The following TBC1D22A variants were observed in gnomAD, a reference collection of about 807,000 sequenced individuals.
TBC1D22A encodes putative GTPase activator.
In TBC1D22A, 38 loss-of-function variants were observed where a neutral mutation model predicts 60.2. The ratio of observed to expected loss-of-function variants is 0.63; its 90% CI spans 0.49 to 0.83. TBC1D22A has a LOEUF of 0.83. TBC1D22A is among the 40% of genes least tolerant of loss of function. The probability of loss-of-function intolerance (pLI) is 0.00; values close to 1 mark genes in which losing one functional copy is unlikely to be tolerated. For missense variants in TBC1D22A, 628 were observed against 701.0 expected, an observed-to-expected ratio of 0.90 and a Z score of 1.18; for synonymous variants, 302 against 281.7, an observed-to-expected ratio of 1.07 and a Z score of -0.72.
At chr22:46,976,202 C>A (rs570181564) in intron 9 of TBC1D22A, among the ~76,000 whole-genome samples, 2 of 152,134 alleles carry the variant, frequency 1.3e-5, no homozygotes, top group African/African-American at 4.8e-5. Context: ...ACAATGAAAT[C>A]GATGCTGGCT....
intron 4 of TBC1D22A, among the ~76,000 whole-genome samples, chr22:46,866,243 T>C (rs1311861630): frequency 6.6e-6 from 1 of 152,222 alleles, no homozygotes; most frequent in Admixed American, 6.5e-5. Flanking sequence ...TAGCTGGGAC[T>C]ACAGGCGTGT....
chr22:46,988,458 G>A (rs931327383), intron 9 of TBC1D22A, among the ~76,000 whole-genome samples: 1 of 152,160 alleles, frequency 6.6e-6, no homozygotes, highest in South Asian at 2.1e-4. Flanking sequence ...CTCAAATAAT[G>A]ACTTGAAAGT....
rs569051402 is a variant in TBC1D22A, at chr22:46,935,608, C to T, written c.1015+23420C>T. On this transcript the variant is annotated intron_variant, in intron 8 of 12. Transcript: ENST00000337137. ...GATTCCGTCTCGCCCCCCTCCTTTC[C>T]GAGTCTAGGAGTCTTGCAGCGGTCA... Among the ~76,000 whole-genome samples, 16 of 152,306 alleles carry T rather than the reference C, an allele frequency of 1.1e-4. No homozygotes were observed. The East Asian group carries it at 1.5e-3, about 15-fold the overall frequency.
At chr22:47,149,192 G>A (rs1333569741) in intron 12 of TBC1D22A, among the ~76,000 whole-genome samples, 4 of 152,166 alleles carry the variant, frequency 2.6e-5, no homozygotes, top group African/African-American at 4.8e-5. Flanking sequence ...GGGCTGGACC[G>A]CAGATGTGTC....
intron 12 of TBC1D22A, among the ~76,000 whole-genome samples, chr22:47,142,198 A>C (rs1233137236): frequency 5.6e-5 from 8 of 143,454 alleles, no homozygotes; most frequent in African/African-American, 7.8e-5. Context: ...ATCCACCCAC[A>C]CACCCATCCA....
chr22:47,127,962 C>CCCCCA (rs2066527189), intron 12 of TBC1D22A, among the ~76,000 whole-genome samples: 1 of 108,378 alleles, frequency 9.2e-6, no homozygotes, highest in South Asian at 3.7e-4. Context: ...CCCACCCGTC[C>CCCCCA]TTCCCTCCAC....
intron 4 of TBC1D22A, among the ~76,000 whole-genome samples, chr22:46,862,802 G>A (rs1274070448): frequency 1.3e-5 from 2 of 152,188 alleles, no homozygotes; most frequent in Non-Finnish European, 2.9e-5. Context: ...GCCGGATGCT[G>A]GGGCTTTTTG....
At chr22:46,911,733 C>T (rs988026717) in intron 7 of TBC1D22A, among the ~76,000 whole-genome samples, 44 of 151,950 alleles carry the variant, frequency 2.9e-4, no homozygotes, top group Non-Finnish European at 5.4e-4. Flanking sequence ...GCCTGGCCAA[C>T]GTGGCGAAAC....
At chr22:47,096,770 C>T (rs773675170) in intron 11 of TBC1D22A, among the ~76,000 whole-genome samples, 11 of 151,952 alleles carry the variant, frequency 7.2e-5, no homozygotes, top group Admixed American at 1.3e-4. Flanking sequence ...TGCAGTGAGC[C>T]GAGATTGTGC....
chr22:46,812,399 G>T (rs560549626), intron 4 of TBC1D22A, among the ~76,000 whole-genome samples: 15 of 152,294 alleles, frequency 9.8e-5, no homozygotes, highest in African/African-American at 3.4e-4. Context: ...AGGAGACACG[G>T]AGCACCCATG....
chr22:47,141,119 A>G (rs2007905), intron 12 of TBC1D22A, among the ~76,000 whole-genome samples: 94,042 of 152,046 alleles, frequency 0.62, 29,432 homozygotes, highest in East Asian at 0.78. Flanking sequence ...GTTACATGGT[A>G]GCAGGCAAGC....
At chr22:47,103,950 C>T (rs1030092868) in intron 11 of TBC1D22A, among the ~76,000 whole-genome samples, 5 of 152,150 alleles carry the variant, frequency 3.3e-5, no homozygotes, top group Admixed American at 2.0e-4. Context: ...TACCCCAAAA[C>T]GTGTTTTTTT....
At chr22:46,882,104 T>C (rs140035581) in intron 5 of TBC1D22A, among the ~76,000 whole-genome samples, 1 of 152,238 alleles carries the variant, frequency 6.6e-6, no homozygotes, top group East Asian at 1.9e-4. Flanking sequence ...AATCCCAAGG[T>C]TTAAACCTGG....
intron 3 of TBC1D22A, among the ~76,000 whole-genome samples, chr22:46,795,693 C>G (rs1214516298): frequency 6.6e-6 from 1 of 152,204 alleles, no homozygotes; most frequent in African/African-American, 2.4e-5. Context: ...GTGGCAGGTA[C>G]AGTATCAAGT....
chr22:47,154,294 G>A (rs1244928498), intron 12 of TBC1D22A, among the ~76,000 whole-genome samples: 1 of 152,178 alleles, frequency 6.6e-6, no homozygotes, highest in Admixed American at 6.5e-5. Context: ...GCCCTGCCAC[G>A]CGCTGAGTGA....
intron 8 of TBC1D22A, among the ~76,000 whole-genome samples, chr22:46,930,876 C>CT (rs1346025874): frequency 6.6e-6 from 1 of 152,166 alleles, no homozygotes; most frequent in Non-Finnish European, 1.5e-5. Context: ...TCCTGCCTTT[C>CT]TACCTTACAC....
chr22:46,913,040 A>G (rs988374688), intron 8 of TBC1D22A, among the ~76,000 whole-genome samples: 1 of 152,182 alleles, frequency 6.6e-6, no homozygotes, highest in Non-Finnish European at 1.5e-5. Context: ...AACTGGTTGA[A>G]CAGTGTTTTA....
chr22:46,946,781 T>C (rs972446040), intron 8 of TBC1D22A, among the ~76,000 whole-genome samples: 1 of 152,196 alleles, frequency 6.6e-6, no homozygotes, highest in African/African-American at 2.4e-5. Flanking sequence ...TTCCTCTAGG[T>C]TGGTATTCAG....
At chr22:46,918,292 C>T (rs1279691148) in intron 8 of TBC1D22A, among the ~76,000 whole-genome samples, 3 of 152,150 alleles carry the variant, frequency 2.0e-5, no homozygotes, top group East Asian at 1.9e-4. Flanking sequence ...GGTGCAGGGC[C>T]GAGGCCAAAG....
Sources: gnomAD v4.1 joint callset for allele counts (sites outside exome capture counted in the v4.1 genomes callset) on GRCh38, gnomAD v4.1.1 for gene constraint, MANE v1.5 for transcripts, NCBI Gene and HGNC (gene_info 2026-07-23, HGNC 2026-07-21) for gene names.